Variants in ATG3 observed in about 807,000 individuals in gnomAD.
ATG3 encodes the protein autophagy related 3, also known as ubiquitin-like-conjugating enzyme ATG3.
Under a neutral mutation model 50.7 loss-of-function variants are expected in ATG3, and 25 were observed. The observed-to-expected ratio is 0.49, with a 90% CI of 0.36 to 0.69. ATG3 has a LOEUF of 0.69. ATG3 is among the 30% of genes least tolerant of loss of function. The pLI, the probability that ATG3 is intolerant of heterozygous loss-of-function variation, is 0.00. For synonymous variants in ATG3, 119 were observed against 125.5 expected (o/e 0.95, Z 0.34); for missense variants, 281 against 376.0 (o/e 0.75, Z 2.09).
intron 7 of ATG3, among the ~76,000 whole-genome samples, chr3:112,539,944 T>G (rs1271890380): frequency 1.3e-5 from 2 of 152,230 alleles, no homozygotes; most frequent in African/African-American, 4.8e-5. Flanking sequence ...CTTGGTCAAC[T>G]ATGTCATTCA....
chr3:112,542,355 C>A (rs1368181755), intron 6 of ATG3, among the ~76,000 whole-genome samples: 2 of 152,060 alleles, frequency 1.3e-5, no homozygotes, highest in African/African-American at 2.4e-5. Context: ...TCAGACTTTA[C>A]AGTTATTAAA....
At chr3:112,561,371 G>T in intron 1 of ATG3, 86 bp downstream of exon 1, 1 of 1,419,506 alleles carries the variant, frequency 7.0e-7, no homozygotes, top group South Asian at 1.2e-5. Flanking sequence ...TTGCCCCGCC[G>T]GAGAAAGCGG....
At chr3:112,558,591 T>G (rs1933751485) in intron 1 of ATG3, among the ~76,000 whole-genome samples, 174 bp from the exon 2 acceptor site, 2 of 152,194 alleles carry the variant, frequency 1.3e-5, no homozygotes, top group Non-Finnish European at 2.9e-5. Context: ...CCTACCTCAT[T>G]GGTATCTATC....
At chr3:112,551,951 A>C (rs1460454482) in intron 3 of ATG3, among the ~76,000 whole-genome samples, 5 of 152,190 alleles carry the variant, frequency 3.3e-5, no homozygotes, top group Non-Finnish European at 7.4e-5. Flanking sequence ...CTTTTGGTAC[A>C]TAAATAATGC....
At chr3:112,542,824 C>T (rs1933267462) in intron 6 of ATG3, among the ~76,000 whole-genome samples, 1 of 151,526 alleles carries the variant, frequency 6.6e-6, no homozygotes, top group Non-Finnish European at 1.5e-5. Flanking sequence ...ACCATAAGCC[C>T]GTCCAAGAAA....
chr3:112,549,801 A>AC (rs1559846854), intron 4 of ATG3, among the ~76,000 whole-genome samples: 3 of 135,026 alleles, frequency 2.2e-5, no homozygotes, highest in African/African-American at 8.1e-5. Flanking sequence ...AAACAACCAA[A>AC]AAAAAAAAAA....
chr3:112,543,476 C>CT (rs1166134160), intron 6 of ATG3, among the ~76,000 whole-genome samples: 1 of 152,100 alleles, frequency 6.6e-6, no homozygotes, highest in Non-Finnish European at 1.5e-5. Context: ...GATTAAGCTT[C>CT]TATTCATTCA....
In ATG3 at chr3:112,550,214, T is replaced by C; in HGVS notation, c.213A>G (p.Lys71=). The change falls in exon 4 of 12, where the codon AAA becomes AAG. Residue 71 remains lysine (K), a synonymous_variant. Transcript: ENST00000283290. ...TACCATTTTTGGTTACCAAAAATTG[T>C]TTGCCTGTTGGTAGGTATGCCTTCA... is the stretch of plus-strand genomic sequence containing the variant. ...LKVKAYLPTG[K]QFLVTKNVPC... The C allele has an allele frequency of 6.2e-7, 1 of 1,612,996 alleles. No individual in the cohort carries two copies. Among genetic ancestry groups the C allele is most frequent in the Non-Finnish European group, 8.5e-7 (1 of 1,179,470 alleles).
intron 2 of ATG3, among the ~76,000 whole-genome samples, chr3:112,555,420 A>AC (rs751529130): frequency 3.3e-5 from 5 of 152,206 alleles, no homozygotes; most frequent in Non-Finnish European, 7.3e-5. Flanking sequence ...ACCAACTCCA[A>AC]CAAGAATCAA....
chr3:112,539,413 C>T (rs1169227522), intron 7 of ATG3, among the ~76,000 whole-genome samples: 8 of 152,156 alleles, frequency 5.3e-5, no homozygotes, highest in African/African-American at 1.9e-4. Flanking sequence ...CACCTCAGTA[C>T]CTTTGCACTC....
At chr3:112,534,211 C>CA (rs35560667) in intron 11 of ATG3, 58 bp downstream of exon 11, 899,959 of 1,257,006 alleles carry the variant, frequency 0.72, 298,057 homozygotes, top group Non-Finnish European at 0.76. Flanking sequence ...CTAAATTTCT[C>CA]AAAAAAAAAA....
At chr3:112,546,364 A>ATT (rs1933370007) in intron 5 of ATG3, among the ~76,000 whole-genome samples, 1 of 152,180 alleles carries the variant, frequency 6.6e-6, no homozygotes, top group Non-Finnish European at 1.5e-5. Flanking sequence ...GCTGGGTAGC[A>ATT]TATACAGCAT....
intron 4 of ATG3, among the ~76,000 whole-genome samples, 169 bp from the exon 5 acceptor site, chr3:112,548,809 A>AT (rs1210332478): frequency 6.6e-6 from 1 of 152,258 alleles, no homozygotes; most frequent in Non-Finnish European, 1.5e-5. Flanking sequence ...TCATAGACAC[A>AT]TAATTATTTG....
At chr3:112,534,847 T>A (rs899985392) in intron 10 of ATG3, 27 of 151,418 alleles carry the variant, frequency 1.8e-4, no homozygotes, top group African/African-American at 6.5e-4. Context: ...AATCTTGTGA[T>A]CTGGGCTGTT....
At chr3:112,533,874 G>T (rs1031198864) in intron 11 of ATG3, 2 of 1,002,952 alleles carry the variant, frequency 2.0e-6, no homozygotes, top group African/African-American at 1.7e-5. Flanking sequence ...TTTAATTAAC[G>T]TATTTGTTTA....
intron 5 of ATG3, among the ~76,000 whole-genome samples, chr3:112,548,220 T>G (rs914164932): frequency 6.6e-6 from 1 of 151,834 alleles, no homozygotes; most frequent in African/African-American, 2.4e-5. Flanking sequence ...GGCGTGGGGG[T>G]GCACACCTGT....
At chr3:112,543,333 T>C (rs868773965) in intron 6 of ATG3, among the ~76,000 whole-genome samples, 6 of 152,078 alleles carry the variant, frequency 3.9e-5, no homozygotes, top group Non-Finnish European at 7.4e-5. Context: ...TGAAGACAAC[T>C]GCGGTTGATC....
At chr3:112,550,713 G>A (rs1933504811) in intron 3 of ATG3, among the ~76,000 whole-genome samples, 1 of 152,088 alleles carries the variant, frequency 6.6e-6, no homozygotes, top group African/African-American at 2.4e-5. Flanking sequence ...GTAGGTGGCT[G>A]GCAAAATCCC....
chr3:112,543,367 C>G (rs1933284764), intron 6 of ATG3, among the ~76,000 whole-genome samples: 1 of 152,028 alleles, frequency 6.6e-6, no homozygotes, highest in African/African-American at 2.4e-5. Flanking sequence ...AAAAGCTAAT[C>G]TAATACCTAC....
Sources: gnomAD v4.1 joint callset for allele counts (sites outside exome capture counted in the v4.1 genomes callset) on GRCh38, gnomAD v4.1.1 for gene constraint, MANE v1.5 for transcripts, NCBI Gene and HGNC (gene_info 2026-07-23, HGNC 2026-07-21) for gene names.